SLC24A3: variants seen among roughly 807,000 people sequenced by gnomAD.
SLC24A3 encodes solute carrier family 24 member 3.
SLC24A3 carries 28 observed loss-of-function variants against 75.8 expected under a neutral mutation model. That is an observed-to-expected ratio of 0.37 (90% CI 0.27 to 0.51). The LOEUF is 0.51. Among genes scored for constraint, SLC24A3 ranks in the 20% least tolerant of loss-of-function variants. The pLI is 0.94. For missense variants in SLC24A3, 663 were observed against 847.8 expected, an observed-to-expected ratio of 0.78 and a Z score of 2.71; for synonymous variants, 372 against 334.1, an observed-to-expected ratio of 1.11 and a Z score of -1.24.
chr20:19,447,854 A>G (rs1042119359), intron 2 of SLC24A3, among the ~76,000 whole-genome samples: 6 of 152,204 alleles, frequency 3.9e-5, no homozygotes, highest in African/African-American at 1.4e-4. Context: ...GACTTAATCC[A>G]CCTTCAGATC....
intron 3 of SLC24A3, among the ~76,000 whole-genome samples, chr20:19,576,072 G>C (rs952666962): frequency 6.6e-6 from 1 of 152,106 alleles, no homozygotes; most frequent in African/African-American, 2.4e-5. Context: ...CCTCTGCATT[G>C]TCTGGGAAAT....
At chr20:19,528,881 A>G (rs2030245011) in intron 3 of SLC24A3, among the ~76,000 whole-genome samples, 1 of 152,118 alleles carries the variant, frequency 6.6e-6, no homozygotes, top group South Asian at 2.1e-4. Flanking sequence ...TGGGCCTCTC[A>G]TTCTCTCCTG....
intron 3 of SLC24A3, among the ~76,000 whole-genome samples, chr20:19,567,112 A>C (rs1189640185): frequency 6.6e-6 from 1 of 152,230 alleles, no homozygotes; most frequent in Non-Finnish European, 1.5e-5. Context: ...GTTTGTCAAG[A>C]ACTTAAAATA....
chr20:19,267,301 A>G (rs1485947572), intron 1 of SLC24A3, among the ~76,000 whole-genome samples: 1 of 152,238 alleles, frequency 6.6e-6, no homozygotes, highest in Non-Finnish European at 1.5e-5. Context: ...TACTTGTAAT[A>G]GATAATTCCC....
At chr20:19,357,611 G>A (rs1379381945) in intron 2 of SLC24A3, among the ~76,000 whole-genome samples, 1 of 152,156 alleles carries the variant, frequency 6.6e-6, no homozygotes, top group African/African-American at 2.4e-5. Context: ...AAACTTTAAT[G>A]TAGTCAGTGT....
At chr20:19,602,081 G>C (rs1349614574) in intron 6 of SLC24A3, among the ~76,000 whole-genome samples, 1 of 152,150 alleles carries the variant, frequency 6.6e-6, no homozygotes, top group South Asian at 2.1e-4. Flanking sequence ...GGCTGAGGCA[G>C]GAGAATCGCT....
chr20:19,481,812 T>A (rs1201640453), intron 2 of SLC24A3, among the ~76,000 whole-genome samples: 2 of 152,004 alleles, frequency 1.3e-5, no homozygotes, highest in African/African-American at 2.4e-5. Context: ...AGTGCAAGGA[T>A]TTCCCCTCTT....
At chr20:19,264,201 C>A (rs982121250) in intron 1 of SLC24A3, 1 of 151,758 alleles carries the variant, frequency 6.6e-6, no homozygotes, top group Admixed American at 6.6e-5. Context: ...GGCTCTGGAC[C>A]AAACACATCT....
chr20:19,344,773 G>A (rs2122313888), intron 2 of SLC24A3, among the ~76,000 whole-genome samples: 1 of 152,198 alleles, frequency 6.6e-6, no homozygotes, highest in East Asian at 1.9e-4. Flanking sequence ...AATGGATGGA[G>A]CCTGGTCTGT....
At chr20:19,604,121 G>C (rs1326860853) in intron 6 of SLC24A3, among the ~76,000 whole-genome samples, 2 of 152,168 alleles carry the variant, frequency 1.3e-5, no homozygotes, top group African/African-American at 4.8e-5. Context: ...TGCTCTCAAG[G>C]TGCTTCTGTG....
chr20:19,374,663 T>C (rs1254846399), intron 2 of SLC24A3, among the ~76,000 whole-genome samples: 1 of 152,186 alleles, frequency 6.6e-6, no homozygotes, highest in East Asian at 1.9e-4. Context: ...CACTCTTTTC[T>C]CAATGTGAAG....
rs574530497 is a variant in SLC24A3, at chr20:19,395,913, TG to T, written c.271+114830del. The stretch of plus-strand genomic sequence containing the variant: ...CTAGAGGAGATGGTTTGGGGCCATT[TG>T]GGGCTTTGGTCTTCTAGCTGTGAGC... On this transcript the variant is annotated intron_variant, in intron 2 of 16. Coordinates refer to ENST00000328041, the MANE Select transcript of SLC24A3 (RefSeq NM_020689.4). 1.2e-3 allele frequency among the ~76,000 whole-genome samples: 189 copies of T among 152,276 alleles called. 1 individual carries two copies. Among genetic ancestry groups the T allele is most frequent in the African/African-American group, 4.4e-3 (184 of 41,568 alleles).
chr20:19,480,992 C>T (rs1423343109), intron 2 of SLC24A3, among the ~76,000 whole-genome samples: 1 of 152,192 alleles, frequency 6.6e-6, no homozygotes, highest in Non-Finnish European at 1.5e-5. Context: ...TATTAATGCT[C>T]ATTTCTCTCA....
At chr20:19,383,586 G>A (rs186354199) in intron 2 of SLC24A3, among the ~76,000 whole-genome samples, 1 of 152,226 alleles carries the variant, frequency 6.6e-6, no homozygotes, top group East Asian at 1.9e-4. Flanking sequence ...GTGGGGTTGG[G>A]GGCTCAGCCT....
intron 2 of SLC24A3, among the ~76,000 whole-genome samples, chr20:19,414,176 T>A (rs758111156): frequency 2.0e-5 from 3 of 152,204 alleles, no homozygotes; most frequent in Non-Finnish European, 4.4e-5. Flanking sequence ...AAGGGGGCAG[T>A]GAAGTAGAAT....
intron 7 of SLC24A3, among the ~76,000 whole-genome samples, chr20:19,661,838 C>T (rs2032330558): frequency 6.6e-6 from 1 of 152,086 alleles, no homozygotes; most frequent in Non-Finnish European, 1.5e-5. Context: ...TCCCCTGCTC[C>T]TCCATGTTGA....
At chr20:19,411,770 A>G (rs745455882) in intron 2 of SLC24A3, among the ~76,000 whole-genome samples, 1 of 152,238 alleles carries the variant, frequency 6.6e-6, no homozygotes, top group South Asian at 2.1e-4. Context: ...TCACTTGAGC[A>G]ACCTCTGACG....
intron 3 of SLC24A3, among the ~76,000 whole-genome samples, chr20:19,535,974 T>C (rs2030388979): frequency 6.6e-6 from 1 of 152,114 alleles, no homozygotes; most frequent in South Asian, 2.1e-4. Context: ...AGGCTGAACT[T>C]GTTTATTTGT....
chr20:19,651,400 C>CATAT (rs59934913), intron 6 of SLC24A3, among the ~76,000 whole-genome samples: 23 of 142,504 alleles, frequency 1.6e-4, no homozygotes, highest in Admixed American at 4.2e-4. Flanking sequence ...TATATACACA[C>CATAT]ATATATATAT....
Sources: allele counts gnomAD v4.1 joint callset (sites outside exome capture counted in the v4.1 genomes callset), GRCh38; gene constraint gnomAD v4.1.1; transcripts MANE v1.5; gene names NCBI Gene and HGNC (gene_info 2026-07-23, HGNC 2026-07-21).